The following PRKCQ variants were observed in gnomAD, a reference collection of about 807,000 sequenced individuals.
PRKCQ encodes the protein protein kinase C theta type.
In PRKCQ, 41 loss-of-function variants were observed where a neutral mutation model predicts 91.2. The ratio of observed to expected loss-of-function variants is 0.45; its 90% CI spans 0.35 to 0.58. PRKCQ has a LOEUF of 0.58. Ranked by LOEUF, PRKCQ falls within the 20% of genes least tolerant of loss-of-function variation. The probability of loss-of-function intolerance (pLI) is 0.00; values close to 1 mark genes in which losing one functional copy is unlikely to be tolerated. For synonymous variants in PRKCQ, 307 were observed against 316.9 expected, an observed-to-expected ratio of 0.97 and a Z score of 0.33; for missense variants, 673 against 896.5, an observed-to-expected ratio of 0.75 and a Z score of 3.18.
chr10:6,456,539 T>C, intron 15 of PRKCQ, 135 bp downstream of exon 15: 1 of 1,185,764 alleles, frequency 8.4e-7, no homozygotes, highest in East Asian at 2.5e-5. Context: ...TGGTGGCGTT[T>C]ATGAGATACT....
At chr10:6,456,535 C>T (rs1343138151) in intron 15 of PRKCQ, 139 bp downstream of exon 15, 43 of 1,080,020 alleles carry the variant, frequency 4.0e-5, no homozygotes, top group Admixed American at 1.4e-4. Flanking sequence ...TGCATGGTGG[C>T]GTTTATGAGA....
At chr10:6,495,152 A>C (rs1837520864) in intron 7 of PRKCQ, among the ~76,000 whole-genome samples, 1 of 152,180 alleles carries the variant, frequency 6.6e-6, no homozygotes, top group African/African-American at 2.4e-5. Flanking sequence ...CCCCGCTTGG[A>C]GGATTCCTTC....
intron 1 of PRKCQ, among the ~76,000 whole-genome samples, chr10:6,548,634 C>CA (rs1840061085): frequency 6.9e-6 from 1 of 145,072 alleles, no homozygotes. Context: ...ATGGCAAGAA[C>CA]AAAAAACCAA....
intron 1 of PRKCQ, among the ~76,000 whole-genome samples, chr10:6,523,577 T>C (rs550825773): frequency 6.6e-6 from 1 of 152,304 alleles, no homozygotes; most frequent in African/African-American, 2.4e-5. Flanking sequence ...TGAAGGAGGC[T>C]TCGTGGACAG....
chr10:6,447,129 C>T (rs998175039), intron 15 of PRKCQ, among the ~76,000 whole-genome samples: 1 of 152,158 alleles, frequency 6.6e-6, no homozygotes, highest in Non-Finnish European at 1.5e-5. Context: ...ATGTTTCCGG[C>T]TGGGCGCAGT....
At chr10:6,483,637 A>G (rs1328146317) in intron 10 of PRKCQ, 37 bp from the exon 11 acceptor site, 3 of 1,608,528 alleles carry the variant, frequency 1.9e-6, no homozygotes, top group Non-Finnish European at 2.5e-6. Flanking sequence ...ATGAACATGG[A>G]GTAATGGAGG....
Sources: gnomAD v4.1 joint callset for allele counts (sites outside exome capture counted in the v4.1 genomes callset) on GRCh38, gnomAD v4.1.1 for gene constraint, MANE v1.5 for transcripts, NCBI Gene and HGNC (gene_info 2026-07-23, HGNC 2026-07-21) for gene names.